Variants in CLVS1 observed in about 807,000 individuals in gnomAD.
CLVS1 encodes the protein clavesin 1.
In CLVS1, 10 loss-of-function variants were observed where a neutral mutation model predicts 33.1. The ratio of observed to expected loss-of-function variants is 0.30; its 90% CI spans 0.19 to 0.51. CLVS1 has a LOEUF of 0.51. Ranked by LOEUF, CLVS1 falls within the 20% of genes least tolerant of loss-of-function variation. The pLI, the probability that CLVS1 is intolerant of heterozygous loss-of-function variation, is 0.97. For missense variants in CLVS1, 343 were observed against 433.4 expected (o/e 0.79, Z 1.85); for synonymous variants, 163 against 166.1 (o/e 0.98, Z 0.14).
intron 3 of CLVS1, among the ~76,000 whole-genome samples, chr8:61,426,593 C>A (rs10089394): frequency 4.6e-5 from 7 of 152,132 alleles, no homozygotes; most frequent in Non-Finnish European, 7.3e-5. Flanking sequence ...AGTGGAGGAT[C>A]GGGCCCCTGC....
chr8:61,458,226 G>T, intron 4 of CLVS1, 81 bp from the exon 5 acceptor site: 7 of 1,033,576 alleles, frequency 6.8e-6, no homozygotes, highest in Non-Finnish European at 1.0e-5. Context: ...AATTTGTCAT[G>T]GCTAAATTGT....
At chr8:61,071,875 A>G (rs1032691176) in intron 1 of CLVS1, among the ~76,000 whole-genome samples, 1 of 152,224 alleles carries the variant, frequency 6.6e-6, no homozygotes, top group African/African-American at 2.4e-5. Context: ...ACCAGTTTAG[A>G]GGGTGTGGTT....
At chr8:61,161,993 C>CAA (rs34857935) in intron 2 of CLVS1, among the ~76,000 whole-genome samples, 56 of 70,086 alleles carry the variant, frequency 8.0e-4, no homozygotes, top group African/African-American at 1.7e-3. Flanking sequence ...TACTTTTTGA[C>CAA]AAAAAAAAAA....
chr8:61,155,588 GA>G (rs1480184617), intron 2 of CLVS1, among the ~76,000 whole-genome samples: 2 of 152,014 alleles, frequency 1.3e-5, no homozygotes, highest in African/African-American at 4.8e-5. Context: ...ACTTTTGAGT[GA>G]AGGAAACCAC....
At chr8:61,226,980 G>GTTTTTTTTTTTTT (rs55718731) in intron 2 of CLVS1, among the ~76,000 whole-genome samples, 13 of 132,306 alleles carry the variant, frequency 9.8e-5, no homozygotes, top group Non-Finnish European at 9.5e-5. Flanking sequence ...ACGAAAACAT[G>GTTTTTTTTTTTTT]TTTTTTTTTT....
chr8:60,967,562 T>G, the CLVS1 span: 1 of 448,754 alleles, frequency 2.2e-6, no homozygotes, highest in Admixed American at 2.4e-5. Flanking sequence ...CAGGGTGCAG[T>G]GCATACTTAC....
chr8:61,444,954 C>T (rs897323562), intron 3 of CLVS1, among the ~76,000 whole-genome samples: 4 of 152,096 alleles, frequency 2.6e-5, no homozygotes, highest in African/African-American at 9.7e-5. Context: ...GGTCAGTTTG[C>T]ATATGAAAGG....
At chr8:61,357,278 A>AT (rs1289155337) in intron 2 of CLVS1, among the ~76,000 whole-genome samples, 4 of 152,020 alleles carry the variant, frequency 2.6e-5, no homozygotes, top group Non-Finnish European at 5.9e-5. Context: ...CATGGAAATC[A>AT]TTTTTTTAAA....
chr8:60,976,645 T>C, the CLVS1 span, among the ~76,000 whole-genome samples: 2 of 152,378 alleles, frequency 1.3e-5, no homozygotes, highest in South Asian at 2.1e-4. Flanking sequence ...ATCAACTATT[T>C]TGGAACTCTG....
At chr8:61,380,690 A>G (rs1464710540) in intron 3 of CLVS1, among the ~76,000 whole-genome samples, 2 of 152,210 alleles carry the variant, frequency 1.3e-5, no homozygotes, top group African/African-American at 4.8e-5. Flanking sequence ...TTAATCAAAC[A>G]AAGTAATATT....
chr8:61,095,682 G>A (rs1440817986), intron 1 of CLVS1, among the ~76,000 whole-genome samples: 1 of 152,190 alleles, frequency 6.6e-6, no homozygotes, highest in Non-Finnish European at 1.5e-5. Context: ...CTGGTCTATG[G>A]TAGGGTTTCA....
At position 61,380,768 on chromosome 8, in the gene CLVS1, C is replaced by T. The variant is rs371811008; in HGVS notation, c.630+3989C>T. ...GCTGGGGATTTCTGGCAGAATGAGA[C>T]GTCTTGTTCTTGAGCTTTGTGACAT... On this transcript the variant is annotated intron_variant, in intron 3 of 5. Coordinates refer to ENST00000325897, the MANE Select transcript of CLVS1 (RefSeq NM_173519.3). Among the ~76,000 whole-genome samples the T allele has an allele frequency of 2.3e-4, 35 of 152,242 alleles. No individual in the cohort carries two copies. The South Asian group carries it at 2.7e-3, about 12-fold the overall frequency.
intron 2 of CLVS1, among the ~76,000 whole-genome samples, chr8:61,256,021 A>G (rs1809073546): frequency 6.6e-6 from 1 of 152,194 alleles, no homozygotes; most frequent in Non-Finnish European, 1.5e-5. Flanking sequence ...TGGCATTCAG[A>G]ACATTTACAT....
intron 5 of CLVS1, among the ~76,000 whole-genome samples, chr8:61,476,096 C>G (rs929506429): frequency 1.3e-5 from 2 of 152,170 alleles, no homozygotes; most frequent in African/African-American, 4.8e-5. Flanking sequence ...TGTCAAAGAT[C>G]AGATAGTTGT....
intron 2 of CLVS1, among the ~76,000 whole-genome samples, chr8:61,204,003 A>G (rs1191945172): frequency 1.3e-5 from 2 of 152,228 alleles, no homozygotes; most frequent in Non-Finnish European, 2.9e-5. Context: ...CCTGCCATGT[A>G]GAAGATATTG....
chr8:61,237,306 G>T (rs1239577991), intron 2 of CLVS1, among the ~76,000 whole-genome samples: 1 of 152,192 alleles, frequency 6.6e-6, no homozygotes, highest in Non-Finnish European at 1.5e-5. Flanking sequence ...AAGGAGGCCA[G>T]GCATGGTGGT....
chr8:61,020,753 G>A, the CLVS1 span, among the ~76,000 whole-genome samples: 1 of 152,238 alleles, frequency 6.6e-6, no homozygotes. Context: ...CATGGTGTCT[G>A]TCACATCAAA....
At chr8:61,440,582 T>G (rs1816502323) in intron 3 of CLVS1, among the ~76,000 whole-genome samples, 2 of 152,178 alleles carry the variant, frequency 1.3e-5, no homozygotes, top group South Asian at 4.1e-4. Flanking sequence ...AAAGGGACAA[T>G]TAGGGAATAT....
intron 3 of CLVS1, among the ~76,000 whole-genome samples, chr8:61,378,854 T>G (rs1813753661): frequency 6.6e-6 from 1 of 152,180 alleles, no homozygotes; most frequent in Non-Finnish European, 1.5e-5. Flanking sequence ...GCAACTTTTT[T>G]CAGGTAGCCA....
Sources: gnomAD v4.1 joint callset for allele counts (sites outside exome capture counted in the v4.1 genomes callset) on GRCh38, gnomAD v4.1.1 for gene constraint, MANE v1.5 for transcripts, NCBI Gene and HGNC (gene_info 2026-07-23, HGNC 2026-07-21) for gene names.